INSL6: variants seen among roughly 807,000 people sequenced by gnomAD.
INSL6 encodes the protein insulin-like peptide INSL6.
Under a neutral mutation model 9.4 loss-of-function variants are expected in INSL6, and 16 were observed. The observed-to-expected ratio is 1.70, with a 90% CI of 1.15 to 2.59. The LOEUF is 2.59. INSL6 is among the 30% of genes most tolerant of loss of function. The pLI, the probability that INSL6 is intolerant of heterozygous loss-of-function variation, is 0.00. For synonymous variants in INSL6, 154 were observed against 96.9 expected (o/e 1.59, Z -3.46); for missense variants, 391 against 257.3 (o/e 1.52, Z -3.56).
the INSL6 span, among the ~76,000 whole-genome samples, chr9:5,106,321 G>A: frequency 5.3e-5 from 8 of 152,338 alleles, no homozygotes; most frequent in East Asian, 1.5e-3. Flanking sequence ...GGTCATCAGA[G>A]AAATGGAAAT....
intron 1 of INSL6, among the ~76,000 whole-genome samples, chr9:5,174,327 T>G (rs1329538313): frequency 6.6e-6 from 1 of 152,230 alleles, no homozygotes; most frequent in Admixed American, 6.5e-5. Context: ...TCTCTCACTG[T>G]CTTAAACCCA....
intron 2 of INSL6, among the ~76,000 whole-genome samples, chr9:5,154,177 C>G (rs1482205355): frequency 6.6e-6 from 1 of 152,198 alleles, no homozygotes; most frequent in Non-Finnish European, 1.5e-5. Flanking sequence ...CACACATCTA[C>G]AACCATCTGA....
the INSL6 span, among the ~76,000 whole-genome samples, chr9:5,068,440 A>C: frequency 6.6e-6 from 1 of 152,214 alleles, no homozygotes; most frequent in Non-Finnish European, 1.5e-5. Flanking sequence ...TGCTTGTGCA[A>C]AGAGGTGAGC....
chr9:5,045,430 G>C, the INSL6 span, among the ~76,000 whole-genome samples: 2 of 152,076 alleles, frequency 1.3e-5, no homozygotes, highest in African/African-American at 4.8e-5. Context: ...TAATAAAAAT[G>C]ACCATTTTAA....
the INSL6 span, among the ~76,000 whole-genome samples, chr9:5,060,104 A>AAAATT: frequency 6.6e-6 from 1 of 152,232 alleles, no homozygotes; most frequent in East Asian, 1.9e-4. Flanking sequence ...AAGTCTACTA[A>AAAATT]GTGTGCAACA....
At chr9:5,161,810 G>C (rs912960113), downstream of INSL6, among the ~76,000 whole-genome samples, 2 of 152,030 alleles carry the variant, frequency 1.3e-5, no homozygotes, top group African/African-American at 4.8e-5. Flanking sequence ...ATCTGAAAAA[G>C]AAATTATGAA....
At chr9:5,157,361 A>G (rs1351994963) in intron 2 of INSL6, among the ~76,000 whole-genome samples, 1 of 152,192 alleles carries the variant, frequency 6.6e-6, no homozygotes, top group East Asian at 1.9e-4. Flanking sequence ...ATATACATCT[A>G]TAGTAATCAA....
At chr9:5,075,860 A>C in the INSL6 span, among the ~76,000 whole-genome samples, 1 of 152,190 alleles carries the variant, frequency 6.6e-6, no homozygotes, top group Non-Finnish European at 1.5e-5. Flanking sequence ...AAGTAGAAAA[A>C]CTTATGGAAA....
intron 1 of INSL6, among the ~76,000 whole-genome samples, chr9:5,168,137 C>T (rs12682970): frequency 0.27 from 40,339 of 152,088 alleles, 5,485 homozygotes; most frequent in Admixed American, 0.3. Context: ...AGTGCAAAAA[C>T]GTTGGGAACT....
chr9:5,047,333 T>G, the INSL6 span, among the ~76,000 whole-genome samples: 3 of 152,224 alleles, frequency 2.0e-5, no homozygotes, highest in Non-Finnish European at 2.9e-5. Flanking sequence ...CTTAAGACAG[T>G]ACCTGTAGGA....
At chr9:5,180,929 C>A (rs1000734937) in intron 1 of INSL6, among the ~76,000 whole-genome samples, 1 of 152,158 alleles carries the variant, frequency 6.6e-6, no homozygotes, top group Admixed American at 6.5e-5. Context: ...CTTACACCCC[C>A]TCCCCTTTTG....
At chr9:5,028,825 C>G in the INSL6 span, among the ~76,000 whole-genome samples, 1 of 152,160 alleles carries the variant, frequency 6.6e-6, no homozygotes, top group South Asian at 2.1e-4. Context: ...GGTTTGAAGA[C>G]AATTAGGGCC....
At chr9:5,008,897 T>C in the INSL6 span, among the ~76,000 whole-genome samples, 1 of 152,176 alleles carries the variant, frequency 6.6e-6, no homozygotes, top group Non-Finnish European at 1.5e-5. Flanking sequence ...TTTATGCTCA[T>C]AATATTTTTT....
chr9:5,132,476 G>A (rs182182967), intron 3 of INSL6, among the ~76,000 whole-genome samples: 297 of 151,792 alleles, frequency 2.0e-3, no homozygotes, highest in Non-Finnish European at 1.7e-3. Context: ...TAATTGCCTA[G>A]GCCATTCTCT....
chr9:5,077,852 C>G, the INSL6 span, among the ~76,000 whole-genome samples: 1 of 152,106 alleles, frequency 6.6e-6, no homozygotes, highest in Non-Finnish European at 1.5e-5. Flanking sequence ...AAAATTCAAC[C>G]AAAAATTATG....
At chr9:5,010,886 G>A in the INSL6 span, among the ~76,000 whole-genome samples, 2 of 152,118 alleles carry the variant, frequency 1.3e-5, no homozygotes, top group East Asian at 1.9e-4. Flanking sequence ...AGATCCAGTA[G>A]TATGAGAATT....
the INSL6 span, among the ~76,000 whole-genome samples, chr9:4,998,959 C>T: frequency 6.6e-6 from 1 of 150,908 alleles, no homozygotes; most frequent in Admixed American, 6.6e-5. Context: ...GTAGCTGGGA[C>T]TACAGGTGCC....
chr9:5,119,893 A>G (rs1823485009), downstream of INSL6, among the ~76,000 whole-genome samples: 1 of 152,040 alleles, frequency 6.6e-6, no homozygotes, highest in African/African-American at 2.4e-5. Context: ...ATTTTATACA[A>G]TGAAATGAAG....
At chr9:5,161,261 A>G (rs929190127), downstream of INSL6, among the ~76,000 whole-genome samples, 1 of 152,214 alleles carries the variant, frequency 6.6e-6, no homozygotes, top group African/African-American at 2.4e-5. Context: ...TTATTCCAGG[A>G]ATGCAAGAAC....
Sources: allele counts gnomAD v4.1 joint callset (sites outside exome capture counted in the v4.1 genomes callset), GRCh38; gene constraint gnomAD v4.1.1; transcripts MANE v1.5; gene names NCBI Gene and HGNC (gene_info 2026-07-23, HGNC 2026-07-21).